Variants in PTPRD observed in about 807,000 individuals in gnomAD.
The protein encoded by PTPRD is protein tyrosine phosphatase receptor type D.
Under a neutral mutation model 214.5 loss-of-function variants are expected in PTPRD, and 34 were observed. The observed-to-expected ratio is 0.16, with a 90% confidence interval of 0.12 to 0.21. The LOEUF (loss-of-function observed/expected upper bound fraction) is 0.21, where lower values mean the gene tolerates loss of function less well. PTPRD is among the 10% of genes least tolerant of loss of function. PTPRD has a pLI of 1.00. For missense variants in PTPRD, 2,545 were observed against 2,398.7 expected, an observed-to-expected ratio of 1.06 and a Z score of -1.27; for synonymous variants, 1,128 against 845.7, an observed-to-expected ratio of 1.33 and a Z score of -5.79.
chr9:9,607,595 G>C (rs1283138868), intron 7 of PTPRD, among the ~76,000 whole-genome samples: 1 of 152,010 alleles, frequency 6.6e-6, no homozygotes, highest in Non-Finnish European at 1.5e-5. Flanking sequence ...GAAATATCAG[G>C]AACAATGTGA....
intron 10 of PTPRD, among the ~76,000 whole-genome samples, chr9:9,057,272 G>A (rs990864336): frequency 2.0e-5 from 3 of 152,078 alleles, no homozygotes; most frequent in African/African-American, 7.2e-5. Flanking sequence ...TCTTTCTAGG[G>A]ACTGTCAGTC....
chr9:8,466,905 A>C (rs1181015331), intron 31 of PTPRD, among the ~76,000 whole-genome samples: 1 of 151,832 alleles, frequency 6.6e-6, no homozygotes, highest in East Asian at 1.9e-4. Flanking sequence ...GCCTGGCATG[A>C]TCAAGGCTAG....
At chr9:9,520,235 T>C (rs998085355) in intron 8 of PTPRD, among the ~76,000 whole-genome samples, 3 of 148,768 alleles carry the variant, frequency 2.0e-5, no homozygotes, top group African/African-American at 7.4e-5. Context: ...AATTTTTTTG[T>C]ATTTAAATGT....
chr9:9,505,841 C>T (rs1359420058), intron 8 of PTPRD, among the ~76,000 whole-genome samples: 3 of 151,412 alleles, frequency 2.0e-5, no homozygotes, highest in African/African-American at 7.3e-5. Context: ...TTAACTACTT[C>T]GTTTTTCTTT....
At chr9:8,603,578 T>G (rs1468654568) in intron 14 of PTPRD, among the ~76,000 whole-genome samples, 1 of 152,310 alleles carries the variant, frequency 6.6e-6, no homozygotes, top group East Asian at 1.9e-4. Context: ...AAATACTTCC[T>G]TTATATGAGA....
At chr9:8,496,372 C>T (rs2097271520) in intron 26 of PTPRD, among the ~76,000 whole-genome samples, 1 of 152,158 alleles carries the variant, frequency 6.6e-6, no homozygotes, top group Non-Finnish European at 1.5e-5. Flanking sequence ...TGGTCCACTG[C>T]TGTAGGCCAT....
chr9:9,766,206 C>A (rs2098705746), intron 6 of PTPRD, among the ~76,000 whole-genome samples: 1 of 152,060 alleles, frequency 6.6e-6, no homozygotes, highest in Non-Finnish European at 1.5e-5. Context: ...AGCTCATGAT[C>A]TTTTCAATAA....
intron 11 of PTPRD, among the ~76,000 whole-genome samples, chr9:9,008,377 G>T (rs187463961): frequency 0.068 from 10,280 of 151,494 alleles, 481 homozygotes; most frequent in Non-Finnish European, 0.096. Context: ...ACAGGCTCCC[G>T]CCACCACACC....
intron 11 of PTPRD, among the ~76,000 whole-genome samples, chr9:8,768,434 C>G (rs920895956): frequency 6.6e-6 from 1 of 152,054 alleles, no homozygotes; most frequent in Non-Finnish European, 1.5e-5. Flanking sequence ...CACCTGTAGT[C>G]CCAGCTACTC....
chr9:10,152,217 T>C (rs2099065718), intron 3 of PTPRD, among the ~76,000 whole-genome samples: 1 of 152,222 alleles, frequency 6.6e-6, no homozygotes, highest in African/African-American at 2.4e-5. Flanking sequence ...GTTTTAGTCG[T>C]TCTAGTAACT....
At chr9:9,932,277 C>A (rs2086976318) in intron 5 of PTPRD, among the ~76,000 whole-genome samples, 1 of 148,966 alleles carries the variant, frequency 6.7e-6, no homozygotes, top group South Asian at 2.1e-4. Context: ...TCAAATTACT[C>A]TGAGCTACGG....
intron 2 of PTPRD, among the ~76,000 whole-genome samples, chr9:10,563,059 G>A (rs904991489): frequency 2.6e-5 from 4 of 152,160 alleles, no homozygotes; most frequent in Non-Finnish European, 5.9e-5. Context: ...CTGTGGGAAT[G>A]CCTATCCTTC....
At chr9:9,920,626 TAGA>T (rs2082289509) in intron 5 of PTPRD, among the ~76,000 whole-genome samples, 1 of 152,134 alleles carries the variant, frequency 6.6e-6, no homozygotes, top group Non-Finnish European at 1.5e-5. Context: ...CCCCTAGTGG[TAGA>T]AGGAGATGCC....
intron 14 of PTPRD, among the ~76,000 whole-genome samples, chr9:8,591,622 A>G (rs60798128): frequency 0.022 from 3,399 of 152,240 alleles, 142 homozygotes; most frequent in East Asian, 0.093. Flanking sequence ...ATTGAATATT[A>G]TCTTAAGAAT....
chr9:10,513,068 T>C (rs537973488), intron 2 of PTPRD, among the ~76,000 whole-genome samples: 2 of 152,184 alleles, frequency 1.3e-5, no homozygotes, highest in African/African-American at 2.4e-5. Flanking sequence ...GAAAAATAGC[T>C]GAGGAGAAGA....
intron 28 of PTPRD, 169 bp from the exon 29 acceptor site, chr9:8,485,493 A>G (rs556012253): frequency 1.6e-6 from 1 of 623,752 alleles, no homozygotes; most frequent in African/African-American, 1.8e-5. Context: ...CCATTCTCAC[A>G]GAGATCTTTC....
intron 2 of PTPRD, among the ~76,000 whole-genome samples, chr9:10,526,533 AGG>A (rs1241338313): frequency 1.3e-5 from 2 of 152,118 alleles, no homozygotes; most frequent in Non-Finnish European, 2.9e-5. Context: ...AATATTTTGA[AGG>A]TAGTTATACA....
At chr9:10,610,863 A>G (rs2133800671) in intron 2 of PTPRD, among the ~76,000 whole-genome samples, 1 of 152,288 alleles carries the variant, frequency 6.6e-6, no homozygotes, top group South Asian at 2.1e-4. Flanking sequence ...TAATCAAAAC[A>G]ACTCTAAAAC....
chr9:9,759,315 C>G (rs149073311), intron 6 of PTPRD, among the ~76,000 whole-genome samples: 1 of 152,010 alleles, frequency 6.6e-6, no homozygotes, highest in Non-Finnish European at 1.5e-5. Flanking sequence ...CACTGACTGC[C>G]GCAAACCCCA....
Sources: allele counts gnomAD v4.1 joint callset (sites outside exome capture counted in the v4.1 genomes callset), GRCh38; gene constraint gnomAD v4.1.1; transcripts MANE v1.5; gene names NCBI Gene and HGNC (gene_info 2026-07-23, HGNC 2026-07-21).